The following TMEM87A variants were observed in gnomAD, a reference collection of about 807,000 sequenced individuals.
TMEM87A encodes transmembrane protein 87A.
In TMEM87A, 50 loss-of-function variants were observed where a neutral mutation model predicts 90.0. That is an observed-to-expected ratio of 0.56 (90% CI 0.44 to 0.70). The LOEUF (loss-of-function observed/expected upper bound fraction) is 0.70. Among genes scored for constraint, TMEM87A ranks in the 30% least tolerant of loss-of-function variants. The probability of loss-of-function intolerance (pLI) is 0.00; values close to 1 mark genes in which losing one functional copy is unlikely to be tolerated. For missense variants in TMEM87A, 577 were observed against 660.5 expected (o/e 0.87, Z 1.39); for synonymous variants, 226 against 226.7 (o/e 1.00, Z 0.03).
intron 6 of TMEM87A, among the ~76,000 whole-genome samples, chr15:42,251,263 C>G (rs1595736300): frequency 6.6e-6 from 1 of 152,226 alleles, no homozygotes; most frequent in Non-Finnish European, 1.5e-5. Flanking sequence ...AATTCATTAT[C>G]TGTCCAGCTT....
intron 2 of TMEM87A, among the ~76,000 whole-genome samples, 154 bp downstream of exon 2, chr15:42,271,909 T>C (rs1368345051): frequency 6.6e-6 from 1 of 151,886 alleles, no homozygotes; most frequent in African/African-American, 2.4e-5. Flanking sequence ...ACTTTGAAGA[T>C]GATTCAGTAA....
chr15:42,227,737 T>G lies in TMEM87A; in HGVS notation c.1273A>C (p.Lys425Gln), dbSNP rs545441715. 6 of 1,614,012 alleles carry G rather than the reference T, an allele frequency of 3.7e-6. No individual in the cohort carries two copies. The highest frequency in any genetic ancestry group is 3.3e-4 in the Middle Eastern group (2 of 6,060). ...GACTGACATGTCACTATTCTGAACT[T>G]CATGGTTGTCCAGATGATAAACACA... ...SIVFIIWTTM[K>Q]FRIVTCQSDW... Residue 425 changes from lysine to glutamine, a missense_variant, in exon 14 of 20, where the codon AAG becomes CAG. Transcript: ENST00000389834.
At chr15:42,239,452 C>T (rs1035551049) in intron 8 of TMEM87A, among the ~76,000 whole-genome samples, 3 of 152,170 alleles carry the variant, frequency 2.0e-5, no homozygotes, top group African/African-American at 7.2e-5. Context: ...CCACAGGTCA[C>T]TGACCCCTTC....
intron 8 of TMEM87A, 94 bp downstream of exon 8, chr15:42,239,576 C>T: frequency 1.9e-6 from 2 of 1,060,674 alleles, no homozygotes; most frequent in Non-Finnish European, 2.9e-6. Flanking sequence ...TGCACAGGAA[C>T]AATTCATTAA....
intron 19 of TMEM87A, among the ~76,000 whole-genome samples, chr15:42,215,813 T>C (rs561935537): frequency 1.3e-5 from 2 of 152,202 alleles, no homozygotes; most frequent in South Asian, 4.1e-4. Context: ...GCAATCACTA[T>C]GGAAAACAGT....
intron 8 of TMEM87A, 77 bp downstream of exon 8, chr15:42,239,593 T>C: frequency 8.3e-7 from 1 of 1,203,024 alleles, no homozygotes; most frequent in East Asian, 2.3e-5. Context: ...TTAAAAAGAA[T>C]ACTGCCACAA....
intron 15 of TMEM87A, among the ~76,000 whole-genome samples, chr15:42,220,534 A>G (rs1274066529): frequency 6.6e-6 from 1 of 152,244 alleles, no homozygotes; most frequent in Non-Finnish European, 1.5e-5. Flanking sequence ...GTTCATTCAT[A>G]AGGATATGTA....
At chr15:42,229,056 G>A (rs1475412143) in intron 12 of TMEM87A, among the ~76,000 whole-genome samples, 4 of 151,964 alleles carry the variant, frequency 2.6e-5, no homozygotes, top group Non-Finnish European at 4.4e-5. Flanking sequence ...AGGCTAGAGT[G>A]CAGTGGCACA....
intron 6 of TMEM87A, among the ~76,000 whole-genome samples, chr15:42,250,774 A>C (rs988912147): frequency 6.6e-6 from 1 of 151,972 alleles, no homozygotes; most frequent in Non-Finnish European, 1.5e-5. Context: ...CCTGAATTTG[A>C]ATGTTGGCCT....
In TMEM87A at chr15:42,273,431, T is replaced by C. The variant is rs772766614; in HGVS notation, c.-33A>G. ...GCCGTGGAGTGCCTACCGAAAGCATTTCACCCTCTTCCGGTTCGTCCCGCC... is the reference window on the plus strand; with the variant it reads ...GCCGTGGAGTGCCTACCGAAAGCATCTCACCCTCTTCCGGTTCGTCCCGCC... On this transcript the variant is annotated 5_prime_UTR_variant, in exon 1 of 20. Coordinates refer to ENST00000389834, the MANE Select transcript of TMEM87A (RefSeq NM_015497.5). 11 of 1,612,292 alleles carry C rather than the reference T, an allele frequency of 6.8e-6. No individual in the cohort carries two copies. Among genetic ancestry groups the C allele is most frequent in the Non-Finnish European group, 6.8e-6 (8 of 1,179,432 alleles).
At chr15:42,264,262 A>T (rs911700388) in intron 3 of TMEM87A, 59 bp from the exon 4 acceptor site, 1 of 1,173,248 alleles carries the variant, frequency 8.5e-7, no homozygotes, top group African/African-American at 1.5e-5. Context: ...AGATACTAAG[A>T]GCACAGCACA....
At chr15:42,248,677 C>A (rs7164115) in intron 6 of TMEM87A, among the ~76,000 whole-genome samples, 42 of 152,086 alleles carry the variant, frequency 2.8e-4, no homozygotes, top group African/African-American at 9.7e-4. Context: ...CTGCTGGATT[C>A]GGTTTGCAAG....
intron 6 of TMEM87A, among the ~76,000 whole-genome samples, chr15:42,247,590 T>C (rs1356816532): frequency 7.9e-5 from 12 of 152,242 alleles, no homozygotes; most frequent in Non-Finnish European, 1.6e-4. Flanking sequence ...AAAGATCAGA[T>C]GGTTGTAAAT....
intron 2 of TMEM87A, among the ~76,000 whole-genome samples, chr15:42,268,873 A>T (rs1490616268): frequency 2.0e-5 from 3 of 152,238 alleles, no homozygotes; most frequent in Non-Finnish European, 4.4e-5. Context: ...AAATGATGAT[A>T]TACATAATAG....
At chr15:42,258,477 A>C in intron 6 of TMEM87A, 1 of 477,190 alleles carries the variant, frequency 2.1e-6, no homozygotes, top group Non-Finnish European at 2.7e-6. Context: ...CCCAGGCTGG[A>C]GTGCAGTAGC....
chr15:42,248,189 T>C (rs2051014522), intron 6 of TMEM87A, among the ~76,000 whole-genome samples: 1 of 152,130 alleles, frequency 6.6e-6, no homozygotes, highest in African/African-American at 2.4e-5. Flanking sequence ...TGGGCTGAGA[T>C]GATGGGGTTT....
chr15:42,233,186 C>A, intron 11 of TMEM87A, 27 bp downstream of exon 11: 1 of 1,570,594 alleles, frequency 6.4e-7, no homozygotes, highest in East Asian at 2.2e-5. Context: ...GAACTGACCA[C>A]AGAAAATGAG....
chr15:42,253,733 T>A (rs556023894), intron 6 of TMEM87A, among the ~76,000 whole-genome samples: 5 of 152,238 alleles, frequency 3.3e-5, no homozygotes, highest in Non-Finnish European at 7.3e-5. Context: ...TCTTTCTTTG[T>A]TGAACTTTTT....
intron 6 of TMEM87A, among the ~76,000 whole-genome samples, chr15:42,250,260 G>A (rs58313689): frequency 0.23 from 34,749 of 152,030 alleles, 5,177 homozygotes; most frequent in African/African-American, 0.41. Flanking sequence ...CATTTAGCCC[G>A]TCTACATTTA....
Sources: gnomAD v4.1 joint callset for allele counts (sites outside exome capture counted in the v4.1 genomes callset) on GRCh38, gnomAD v4.1.1 for gene constraint, MANE v1.5 for transcripts, NCBI Gene and HGNC (gene_info 2026-07-23, HGNC 2026-07-21) for gene names.